DUSP9: variants seen among roughly 807,000 people sequenced by gnomAD.
DUSP9 encodes the protein dual specificity protein phosphatase 9.
A neutral mutation model predicts 13.2 loss-of-function variants in DUSP9; 4 were observed. The observed-to-expected ratio is 0.30, with a 90% CI of 0.15 to 0.69. The LOEUF is 0.69. Among genes scored for constraint, DUSP9 ranks in the 30% least tolerant of loss-of-function variants. The pLI is 0.73. For missense variants in DUSP9, 263 were observed against 355.0 expected (o/e 0.74, Z 2.08); for synonymous variants, 166 against 172.3 (o/e 0.96, Z 0.29).
In DUSP9 at chrX:153,650,371, T is replaced by C. The variant is rs1557036379; in HGVS notation, c.*66T>C. ...CCACGGGTGTCCCTGCCCACTCGTGTGGCAAGGGAGGGGAGGGCAGGAGGG... is the reference window on the plus strand; with the variant it reads ...CCACGGGTGTCCCTGCCCACTCGTGCGGCAAGGGAGGGGAGGGCAGGAGGG... On this transcript the variant is annotated 3_prime_UTR_variant, in exon 4 of 4. Coordinates refer to ENST00000342782, the MANE Select transcript of DUSP9 (RefSeq NM_001318503.2). 1 of 880,608 alleles carries C rather than the reference T, an allele frequency of 1.1e-6. No individual in the cohort carries two copies. The highest frequency in any genetic ancestry group is 1.6e-6 in the Non-Finnish European group (1 of 641,318). 72.6% of individuals were successfully genotyped at this position (880,608 alleles called of 1,213,427 possible).
rs2091210534 is a variant in DUSP9 at position 153,650,373 on chromosome X, G to A, written c.*68G>A. The A allele has an allele frequency of 2.1e-5, 18 of 864,583 alleles. No homozygotes were observed. Among genetic ancestry groups the A allele is most frequent in the Admixed American group, 3.5e-5 (1 of 28,179 alleles). 71.3% of individuals were successfully genotyped at this position (864,583 alleles called of 1,213,427 possible). Reference sequence around the variant, plus strand: ...ACGGGTGTCCCTGCCCACTCGTGTGGCAAGGGAGGGGAGGGCAGGAGGGCT... The same window carrying A: ...ACGGGTGTCCCTGCCCACTCGTGTGACAAGGGAGGGGAGGGCAGGAGGGCT... On this transcript the variant is annotated 3_prime_UTR_variant, in exon 4 of 4. Transcript: ENST00000342782.
chrX:153,650,352 G>T lies in DUSP9; in HGVS notation c.*47G>T. 1 of 978,081 alleles carries T rather than the reference G, an allele frequency of 1.0e-6. No individual in the cohort carries two copies. Among genetic ancestry groups the T allele is most frequent in the Non-Finnish European group, 1.4e-6 (1 of 723,981 alleles). 80.6% of individuals were successfully genotyped at this position (978,081 alleles called of 1,213,427 possible). On this transcript the variant is annotated 3_prime_UTR_variant, in exon 4 of 4. Coordinates refer to ENST00000342782, the MANE Select transcript of DUSP9 (RefSeq NM_001318503.2). ...GCCCCTGCCCCACCCCCACCCACGG[G>T]TGTCCCTGCCCACTCGTGTGGCAAG... is the stretch of plus-strand genomic sequence containing the variant.
At position 153,650,616 on chromosome X, in the gene DUSP9, C is replaced by T; in HGVS notation, c.*311C>T. ...CAGCTCGGCTAGGCCCTGCGCCTCC[C>T]TGCGCTTCCCCCTTCAGGAAGGGTG... On this transcript the variant is annotated 3_prime_UTR_variant, in exon 4 of 4. Coordinates refer to ENST00000342782, the MANE Select transcript of DUSP9 (RefSeq NM_001318503.2). The T allele has an allele frequency of 3.8e-6, 1 of 262,256 alleles. No homozygotes were observed. The highest frequency in any genetic ancestry group is 6.8e-6 in the Non-Finnish European group (1 of 147,797). The allele number at this position is 262,256 out of a possible 1,213,427, so 21.6% of individuals were successfully genotyped here.
intron 3 of DUSP9, 66 bp from the exon 4 acceptor site, chrX:153,649,914 C>T (rs2091206698): frequency 1.8e-6 from 2 of 1,123,800 alleles, no homozygotes; most frequent in Non-Finnish European, 2.4e-6. Context: ...GAGGGCCCTT[C>T]GGAAGGCCTC....
upstream of DUSP9, among the ~76,000 whole-genome samples, chrX:153,644,165 C>G (rs1247459798): frequency 9.3e-5 from 10 of 108,039 alleles, no homozygotes; most frequent in African/African-American, 3.0e-4. Flanking sequence ...CGGCGCCGCT[C>G]TCGGGAGGCT....
In DUSP9 at chrX:153,650,667, C is replaced by CAGTCCCGCCCCTGTCCCCA. The variant is rs1557036448; in HGVS notation, c.*365_*366insCCCGCCCCTGTCCCCAAGT. On this transcript the variant is annotated 3_prime_UTR_variant, in exon 4 of 4. Transcript: ENST00000342782. ...TGTGCCACCTCGTTGCACTGGATCC[C>CAGTCCCGCCCCTGTCCCCA]AGTGGCTGCTTGGGGGAGAGGCGTT... 69,800 of 162,496 alleles carry CAGTCCCGCCCCTGTCCCCA rather than the reference C, an allele frequency of 0.43. 13,188 individuals are homozygous for CAGTCCCGCCCCTGTCCCCA. Among genetic ancestry groups the CAGTCCCGCCCCTGTCCCCA allele is most frequent in the Non-Finnish European group, 0.53 (45,512 of 85,898 alleles). 13.4% of individuals were successfully genotyped at this position (162,496 alleles called of 1,213,427 possible).
rs1557035829 is a variant in DUSP9 at position 153,648,206 on chromosome X, G to A, written c.253G>A (p.Gly85Arg). The change falls in exon 2 of 4, where the codon GGG becomes AGG. Residue 85 changes from glycine (G) to arginine (R), a missense_variant. Gly to Arg is a moderately radical substitution (Grantham distance 125, BLOSUM62 -2). Coordinates refer to ENST00000342782, the MANE Select transcript of DUSP9 (RefSeq NM_001318503.2). ...CCCCGTGCTCCTGTACGACCAGGGC[G>A]GGGGCCGGCGCCGGCGCGGGGAGGC... The part of the protein sequence containing the change: ...PAPVLLYDQG[G>R]GRRRRGEAEA... 4.6e-6 allele frequency: 5 copies of A among 1,086,601 alleles called. No homozygotes were observed. Among genetic ancestry groups the A allele is most frequent in the African/African-American group, 1.9e-5 (1 of 51,873 alleles). The allele number at this position is 1,086,601 out of a possible 1,213,427, so 89.5% of individuals were successfully genotyped here. A position where few individuals can be genotyped will look rare whatever the true frequency, so the allele number is the denominator to read the frequency against.
rs782613596 is a variant in DUSP9 at position 153,650,223 on chromosome X, G to T, written c.1073G>T (p.Gly358Val). Residue 358 changes from glycine (G) to valine (V), a missense_variant, in exon 4 of 4, where the codon GGG (glycine) becomes GTG (valine). Physicochemically the swap from Gly to Val is moderately radical, Grantham distance 109. Transcript: ENST00000342782. ...CACTCGCAGGAGCAGGGCAGTGGGG[G>T]GCAGGCATCTGCGGCCTCCAACCCG... ...ERHSQEQGSG[G>V]QASAASNPPS... is the part of the protein sequence containing the mutation. The T allele has an allele frequency of 8.3e-7, 1 of 1,211,612 alleles. No individual in the cohort carries two copies. Among genetic ancestry groups the T allele is most frequent in the Non-Finnish European group, 1.1e-6 (1 of 895,428 alleles).
intron 2 of DUSP9, 97 bp from the exon 3 acceptor site, chrX:153,649,135 C>A: frequency 1.1e-6 from 1 of 870,370 alleles, no homozygotes; most frequent in Admixed American, 2.5e-5. Flanking sequence ...ATTTGCAAAC[C>A]CTCCAAGTTG....
At chrX:153,646,495 G>A (rs139578257), upstream of DUSP9, among the ~76,000 whole-genome samples, 2 of 111,651 alleles carry the variant, frequency 1.8e-5, no homozygotes, top group African/African-American at 6.5e-5. Flanking sequence ...GAGATATTTA[G>A]GTAGAAACTA....
intron 3 of DUSP9, 51 bp downstream of exon 3, chrX:153,649,738 T>A: frequency 1.1e-6 from 1 of 945,304 alleles, no homozygotes; most frequent in Non-Finnish European, 1.4e-6. Flanking sequence ...AGGCCTGCTC[T>A]GGCCTCCCCC....
upstream of DUSP9, among the ~76,000 whole-genome samples, chrX:153,645,853 G>A (rs1161154167): frequency 8.9e-6 from 1 of 112,425 alleles, no homozygotes; most frequent in Non-Finnish European, 1.9e-5. Context: ...CCAGCACTGC[G>A]TGTTCTCAAA....
intron 3 of DUSP9, 127 bp downstream of exon 3, chrX:153,649,814 G>T: frequency 1.1e-6 from 1 of 886,107 alleles, no homozygotes; most frequent in South Asian, 2.4e-5. Context: ...ACAGTTCTAG[G>T]GGACAGGCAG....
At chrX:153,643,301 C>A (rs1053012652), upstream of DUSP9, among the ~76,000 whole-genome samples, 2 of 110,533 alleles carry the variant, frequency 1.8e-5, no homozygotes, top group Non-Finnish European at 3.8e-5. Flanking sequence ...TTCGACACCC[C>A]CCAGCACATC....
upstream of DUSP9, among the ~76,000 whole-genome samples, chrX:153,646,168 T>C (rs1280947864): frequency 2.7e-5 from 3 of 112,731 alleles, no homozygotes; most frequent in African/African-American, 9.7e-5. Context: ...CAGATCAGCA[T>C]TGTGGACACC....
upstream of DUSP9, chrX:153,643,465 G>A: frequency 2.9e-6 from 1 of 342,233 alleles, no homozygotes; most frequent in Non-Finnish European, 5.9e-6. Flanking sequence ...CAGACCTTGA[G>A]ACTCCCCAGC....
chrX:153,647,678 G>A (rs2091193596), intron 1 of DUSP9: 1 of 237,042 alleles, frequency 4.2e-6, no homozygotes, highest in Non-Finnish European at 7.5e-6. Flanking sequence ...TATGGAGGGA[G>A]GCGGCTGCGA....
chrX:153,649,989 T>C lies in DUSP9; in HGVS notation c.839T>C (p.Leu280Ser). 8.3e-7 allele frequency: 1 copy of C among 1,209,528 alleles called. No individual in the cohort carries two copies. The part of the protein sequence containing the change: ...PEAIEFIDEA[L>S]SQNCGVLVHC... ...TTCCTGCCCCATCTAGATGAGGCCT[T>C]GTCCCAGAACTGCGGGGTGCTCGTC... The change falls in exon 4 of 4, where the codon TTG becomes TCG. Residue 280 changes from leucine (L) to serine (S), a missense_variant. Leu to Ser is a moderately radical substitution (Grantham distance 145). Coordinates refer to ENST00000342782, the MANE Select transcript of DUSP9 (RefSeq NM_001318503.2).
upstream of DUSP9, among the ~76,000 whole-genome samples, chrX:153,644,056 G>T (rs1267677905): frequency 8.9e-6 from 1 of 111,777 alleles, no homozygotes; most frequent in East Asian, 2.8e-4. Context: ...GCACGCTGTC[G>T]CCGGGACTTG....
Sources: allele counts gnomAD v4.1 joint callset (sites outside exome capture counted in the v4.1 genomes callset), GRCh38; gene constraint gnomAD v4.1.1; transcripts MANE v1.5; gene names NCBI Gene and HGNC (gene_info 2026-07-23, HGNC 2026-07-21).